KATNBL1: variants seen among roughly 807,000 people sequenced by gnomAD.
KATNBL1 encodes KATNB1-like protein 1.
A neutral mutation model predicts 44.7 loss-of-function variants in KATNBL1; 28 were observed. The observed-to-expected ratio is 0.63, with a 90% confidence interval of 0.46 to 0.86. The LOEUF is 0.86. Among genes scored for constraint, KATNBL1 ranks in the 40% least tolerant of loss-of-function variants. The pLI is 0.00. For missense variants in KATNBL1, 272 were observed against 350.7 expected (o/e 0.78, Z 1.79); for synonymous variants, 78 against 114.9 (o/e 0.68, Z 2.06).
At chr15:34,174,463 C>T (rs142768763) in intron 1 of KATNBL1, among the ~76,000 whole-genome samples, 141 of 152,238 alleles carry the variant, frequency 9.3e-4, no homozygotes, top group East Asian at 5.2e-3. Context: ...AACTGATAGA[C>T]TTAAGCTCTG....
At chr15:34,207,622 G>A (rs1419392763) in intron 1 of KATNBL1, among the ~76,000 whole-genome samples, 3 of 7,914 alleles carry the variant, frequency 3.8e-4, no homozygotes, top group Non-Finnish European at 7.2e-4. Context: ...TTACAGGTGT[G>A]AGCCACACCA....
rs193126740 is a variant in KATNBL1 at position 34,155,027 on chromosome 15, A to C, written c.118-343T>G. ...CAGTGCAGGTGACTAAGGATGACTAAGGACAGAGCAGGTGACTAAGGATGA... is the reference window on the plus strand; with the variant it reads ...CAGTGCAGGTGACTAAGGATGACTACGGACAGAGCAGGTGACTAAGGATGA... On this transcript the variant is annotated intron_variant, in intron 2 of 9. Transcript: ENST00000256544. Among the ~76,000 whole-genome samples, 748 of 152,262 alleles carry C rather than the reference A, an allele frequency of 4.9e-3. 4 individuals are homozygous for C. The highest frequency in any genetic ancestry group is 7.2e-3 in the Admixed American group (110 of 15,288).
intron 1 of KATNBL1, among the ~76,000 whole-genome samples, chr15:34,205,864 T>C (rs1161164649): frequency 6.6e-6 from 1 of 152,198 alleles, no homozygotes; most frequent in East Asian, 1.9e-4. Context: ...TACTGGCCTT[T>C]AAATTCCATC....
At chr15:34,189,244 G>T (rs542245245) in intron 1 of KATNBL1, among the ~76,000 whole-genome samples, 1 of 152,212 alleles carries the variant, frequency 6.6e-6, no homozygotes, top group South Asian at 2.1e-4. Context: ...GGCTGGTCTC[G>T]AAGTCCCAAC....
chr15:34,205,931 G>T (rs145828145), intron 1 of KATNBL1, among the ~76,000 whole-genome samples: 25 of 152,236 alleles, frequency 1.6e-4, no homozygotes, highest in African/African-American at 6.0e-4. Flanking sequence ...GCCTTTAGGA[G>T]AAATAATCTA....
Position 34,183,178 on chromosome 15 carries a change from G to A in KATNBL1, c.-14-19488C>T, listed in dbSNP as rs1010693175. Among the ~76,000 whole-genome samples the A allele has an allele frequency of 6.6e-5, 10 of 152,274 alleles. No individual in the cohort carries two copies. The East Asian group carries it at 1.9e-3, about 29-fold the overall frequency. ...TTCGTTTTGACTGGCGACTACCAAG[G>A]CCAGCTCTACCGGTTTTGTTTGCTC... On this transcript the variant is annotated intron_variant, in intron 1 of 9. Transcript: ENST00000256544.
intron 1 of KATNBL1, among the ~76,000 whole-genome samples, chr15:34,198,528 G>A (rs1414100647): frequency 1.3e-5 from 2 of 152,178 alleles, no homozygotes; most frequent in Non-Finnish European, 2.9e-5. Context: ...TAGTCCAGCA[G>A]GACTTGCTGA....
intron 2 of KATNBL1, among the ~76,000 whole-genome samples, chr15:34,157,895 T>C (rs1179442192): frequency 6.6e-6 from 1 of 152,230 alleles, no homozygotes; most frequent in African/African-American, 2.4e-5. Context: ...ATGTTTCCTA[T>C]TAATCCAAAC....
At chr15:34,159,735 T>A (rs925947082) in intron 2 of KATNBL1, among the ~76,000 whole-genome samples, 2 of 152,178 alleles carry the variant, frequency 1.3e-5, no homozygotes, top group Non-Finnish European at 2.9e-5. Context: ...CATGATTGAT[T>A]TGGAGGCCTA....
chr15:34,203,491 C>T (rs148737339), intron 1 of KATNBL1, among the ~76,000 whole-genome samples: 148 of 152,258 alleles, frequency 9.7e-4, no homozygotes, highest in African/African-American at 3.5e-3. Context: ...CACACACTCA[C>T]CACCCAATCA....
At chr15:34,171,051 A>G (rs1889142885) in intron 1 of KATNBL1, among the ~76,000 whole-genome samples, 1 of 152,198 alleles carries the variant, frequency 6.6e-6, no homozygotes, top group East Asian at 1.9e-4. Context: ...TAAAACACCA[A>G]AAGCAATGGC....
intron 9 of KATNBL1, among the ~76,000 whole-genome samples, chr15:34,143,628 T>C (rs549759596): frequency 2.7e-5 from 4 of 150,344 alleles, no homozygotes; most frequent in African/African-American, 1.0e-4. Context: ...TTCTAGGAGA[T>C]TGATATGTTC....
At chr15:34,151,589 T>C (rs1478557380) in intron 4 of KATNBL1, among the ~76,000 whole-genome samples, 1 of 151,544 alleles carries the variant, frequency 6.6e-6, no homozygotes, top group Non-Finnish European at 1.5e-5. Context: ...GTAGCTGGCA[T>C]TACAGGCGTG....
intron 1 of KATNBL1, among the ~76,000 whole-genome samples, chr15:34,181,804 ATACATATATACATG>A (rs1279616580): frequency 0.018 from 1,420 of 78,292 alleles, 384 homozygotes; most frequent in African/African-American, 0.065. Flanking sequence ...ATCCATATAT[ATACATATATACATG>A]TCCATATATA....
At chr15:34,203,047 G>T (rs1890210154) in intron 1 of KATNBL1, among the ~76,000 whole-genome samples, 1 of 152,046 alleles carries the variant, frequency 6.6e-6, no homozygotes. Context: ...CTAAACTCTG[G>T]ATTCAAATCT....
At chr15:34,166,271 A>G (rs1207809034) in intron 1 of KATNBL1, among the ~76,000 whole-genome samples, 1 of 152,390 alleles carries the variant, frequency 6.6e-6, no homozygotes, top group East Asian at 1.9e-4. Flanking sequence ...CAAATGGCAG[A>G]CCAGGAGATT....
At chr15:34,144,333 T>C (rs1888246023) in intron 9 of KATNBL1, among the ~76,000 whole-genome samples, 1 of 151,848 alleles carries the variant, frequency 6.6e-6, no homozygotes, top group Non-Finnish European at 1.5e-5. Context: ...AGCATTGTAT[T>C]TTTTTCCCCC....
At chr15:34,176,203 C>T (rs758720707) in intron 1 of KATNBL1, among the ~76,000 whole-genome samples, 17 of 151,734 alleles carry the variant, frequency 1.1e-4, no homozygotes, top group South Asian at 2.1e-4. Context: ...GGTGAAACCC[C>T]GTCTCAACTA....
At chr15:34,185,212 T>C (rs545244709) in intron 1 of KATNBL1, among the ~76,000 whole-genome samples, 10 of 151,146 alleles carry the variant, frequency 6.6e-5, no homozygotes, top group Admixed American at 1.3e-4. Context: ...TGAAGAGATC[T>C]GCTTGCCTTG....
Sources: allele counts gnomAD v4.1 joint callset (sites outside exome capture counted in the v4.1 genomes callset), GRCh38; gene constraint gnomAD v4.1.1; transcripts MANE v1.5; gene names NCBI Gene and HGNC (gene_info 2026-07-23, HGNC 2026-07-21).